CSMD1: variants seen among roughly 807,000 people sequenced by gnomAD.
CSMD1 encodes CUB and sushi domain-containing protein 1.
Under a neutral mutation model 417.5 loss-of-function variants are expected in CSMD1, and 213 were observed. The ratio of observed to expected loss-of-function variants is 0.51; its 90% CI spans 0.46 to 0.57. CSMD1 has a LOEUF of 0.57. Ranked by LOEUF, CSMD1 falls within the 20% of genes least tolerant of loss-of-function variation. CSMD1 has a pLI of 0.00. For synonymous variants in CSMD1, 2,862 were observed against 1,736.8 expected (o/e 1.65, Z -16.11); for missense variants, 6,923 against 4,529.7 (o/e 1.53, Z -15.17).
chr8:4,426,172 T>A (rs575552160), intron 2 of CSMD1, among the ~76,000 whole-genome samples: 22 of 151,784 alleles, frequency 1.4e-4, no homozygotes, highest in African/African-American at 5.3e-4. Context: ...GGCTAGGTAA[T>A]CAGGAAATAG....
intron 3 of CSMD1, among the ~76,000 whole-genome samples, chr8:4,293,641 C>T: frequency 6.6e-6 from 1 of 152,268 alleles, no homozygotes. Flanking sequence ...CTGTAAGACA[C>T]AGCAGTCTCT....
At chr8:3,632,330 G>A (rs539176826) in intron 7 of CSMD1, among the ~76,000 whole-genome samples, 1 of 152,108 alleles carries the variant, frequency 6.6e-6, no homozygotes, top group African/African-American at 2.4e-5. Context: ...CGCCTTCTTG[G>A]ACCTTCAGCC....
chr8:3,399,283 C>A (rs1002491060), intron 16 of CSMD1, 108 bp downstream of exon 16: 28 of 1,019,882 alleles, frequency 2.7e-5, no homozygotes, highest in Admixed American at 2.4e-5. Context: ...TGCTCCTATG[C>A]GGGAACCGAA....
In CSMD1 at chr8:4,260,085, A is replaced by G. The variant is rs182456474; in HGVS notation, c.415+159868T>C. 9.9e-5 allele frequency among the ~76,000 whole-genome samples: 15 copies of G among 151,974 alleles called. No individual in the cohort carries two copies. In the East Asian group the frequency reaches 1.5e-3, roughly 16 times the overall value. The stretch of plus-strand genomic sequence containing the variant: ...GTTGTCTTAGAGATCACAAACATCC[A>G]TTTTACTAGAAATTGCTAGACTCTT... On this transcript the variant is annotated intron_variant, in intron 3 of 69. Coordinates refer to ENST00000635120, the MANE Select transcript of CSMD1 (RefSeq NM_033225.6).
intron 6 of CSMD1, among the ~76,000 whole-genome samples, chr8:3,715,113 G>C (rs1300961445): frequency 1.3e-5 from 2 of 152,010 alleles, no homozygotes; most frequent in East Asian, 3.9e-4. Flanking sequence ...TTTACACTGA[G>C]GAAGAGTCAT....
At chr8:3,015,098 T>G (rs1317037868) in intron 52 of CSMD1, among the ~76,000 whole-genome samples, 1 of 120,294 alleles carries the variant, frequency 8.3e-6, no homozygotes, top group Admixed American at 8.0e-5. Context: ...AGCTTCTTAA[T>G]GAAAAAAAAA....
chr8:3,854,667 G>T (rs1804169394), intron 5 of CSMD1, among the ~76,000 whole-genome samples: 1 of 151,962 alleles, frequency 6.6e-6, no homozygotes, highest in East Asian at 1.9e-4. Flanking sequence ...GTGGAAGAGA[G>T]GGGGATGGAG....
chr8:3,118,435 T>A lies in CSMD1; in HGVS notation c.6394A>T (p.Asn2132Tyr). The A allele has an allele frequency of 6.2e-7, 1 of 1,613,726 alleles. No homozygotes were observed. Among genetic ancestry groups the A allele is most frequent in the Non-Finnish European group, 8.5e-7 (1 of 1,179,804 alleles). Residue 2132 changes from asparagine (N) to tyrosine (Y), a missense_variant, in exon 42 of 70, where the codon AAC (asparagine) becomes TAC (tyrosine). Coordinates refer to ENST00000635120, the MANE Select transcript of CSMD1 (RefSeq NM_033225.6). ...GGAAAAGGGTAGTTCCAGTTTCTGT[T>A]GATCCCATGCTGACAAGTGAGGACA... is the stretch of plus-strand genomic sequence containing the variant. ...HPVLTCQHGI[N>Y]RNWNYPFPRC...
intron 12 of CSMD1, among the ~76,000 whole-genome samples, chr8:3,419,951 G>C (rs4313180): frequency 4.6e-5 from 7 of 152,134 alleles, no homozygotes; most frequent in African/African-American, 1.4e-4. Context: ...TGAGTTGCTA[G>C]AAGTACCTGT....
intron 7 of CSMD1, among the ~76,000 whole-genome samples, chr8:3,651,426 C>T (rs1300596213): frequency 6.6e-6 from 1 of 152,112 alleles, no homozygotes; most frequent in East Asian, 1.9e-4. Context: ...CTCGAACTTG[C>T]TGAGCACGTA....
At chr8:3,878,400 T>A (rs1805975311) in intron 5 of CSMD1, among the ~76,000 whole-genome samples, 1 of 152,162 alleles carries the variant, frequency 6.6e-6, no homozygotes, top group Non-Finnish European at 1.5e-5. Context: ...TCTAAGAGTC[T>A]CCCACATTAT....
At chr8:3,222,881 G>A (rs563206915) in intron 28 of CSMD1, among the ~76,000 whole-genome samples, 2 of 152,166 alleles carry the variant, frequency 1.3e-5, no homozygotes, top group Non-Finnish European at 2.9e-5. Flanking sequence ...GGAGGAGAAA[G>A]TGAGGGTATG....
chr8:3,414,663 A>G (rs1431508357), intron 12 of CSMD1, among the ~76,000 whole-genome samples: 1 of 152,122 alleles, frequency 6.6e-6, no homozygotes, highest in Non-Finnish European at 1.5e-5. Context: ...GGACTCAGGA[A>G]CCATGTGTGA....
chr8:3,912,790 T>A (rs1458215131), intron 5 of CSMD1, among the ~76,000 whole-genome samples: 1 of 152,164 alleles, frequency 6.6e-6, no homozygotes, highest in East Asian at 1.9e-4. Context: ...AGGCATGCAA[T>A]GCTAGCTAGA....
chr8:4,510,045 A>G (rs916263343), intron 2 of CSMD1, among the ~76,000 whole-genome samples: 1 of 152,022 alleles, frequency 6.6e-6, no homozygotes, highest in Non-Finnish European at 1.5e-5. Flanking sequence ...AGGTAACTCA[A>G]TCTTGGGGGT....
At chr8:3,946,418 C>T (rs773905942) in intron 5 of CSMD1, among the ~76,000 whole-genome samples, 11 of 152,130 alleles carry the variant, frequency 7.2e-5, no homozygotes, top group Admixed American at 1.3e-4. Context: ...TCCCGCATCA[C>T]CTTGGCTACT....
At chr8:3,034,881 A>T (rs527975250) in intron 50 of CSMD1, among the ~76,000 whole-genome samples, 1 of 152,314 alleles carries the variant, frequency 6.6e-6, no homozygotes, top group African/African-American at 2.4e-5. Context: ...GAGCAAAAAT[A>T]TGACTCGAAC....
intron 6 of CSMD1, among the ~76,000 whole-genome samples, chr8:3,752,191 T>C (rs1285621341): frequency 6.6e-6 from 1 of 151,808 alleles, no homozygotes; most frequent in South Asian, 2.1e-4. Flanking sequence ...TGGGGAGGTA[T>C]GGAAAAGGAG....
intron 7 of CSMD1, among the ~76,000 whole-genome samples, chr8:3,636,058 A>G (rs1177016186): frequency 6.9e-6 from 1 of 144,302 alleles, no homozygotes; most frequent in Admixed American, 7.2e-5. Context: ...TTACTCTATA[A>G]GCTTTTTCTA....
Sources: gnomAD v4.1 joint callset for allele counts (sites outside exome capture counted in the v4.1 genomes callset) on GRCh38, gnomAD v4.1.1 for gene constraint, MANE v1.5 for transcripts, NCBI Gene and HGNC (gene_info 2026-07-23, HGNC 2026-07-21) for gene names.